ARHGEF3: variants seen among roughly 807,000 people sequenced by gnomAD.
The protein encoded by ARHGEF3 is 59.8 kDA protein.
A neutral mutation model predicts 63.2 loss-of-function variants in ARHGEF3; 28 were observed. That is an observed-to-expected ratio of 0.44 (90% CI 0.33 to 0.61). The LOEUF (loss-of-function observed/expected upper bound fraction) is 0.61. Among genes scored for constraint, ARHGEF3 ranks in the 20% least tolerant of loss-of-function variants. ARHGEF3 has a pLI of 0.03. For synonymous variants in ARHGEF3, 266 were observed against 254.2 expected (o/e 1.05, Z -0.44); for missense variants, 533 against 659.3 (o/e 0.81, Z 2.10).
chr3:57,041,866 A>G (rs11130569), intron 1 of ARHGEF3, among the ~76,000 whole-genome samples: 78,901 of 152,010 alleles, frequency 0.52, 20,801 homozygotes, highest in Middle Eastern at 0.61. Context: ...TGGGACCACA[A>G]GGTCCCAAGC....
intron 2 of ARHGEF3, among the ~76,000 whole-genome samples, chr3:56,983,002 A>T (rs1701385478): frequency 6.6e-6 from 1 of 152,198 alleles, no homozygotes. Context: ...TAAATATCAT[A>T]TGCTCATTAC....
At chr3:57,009,236 G>A (rs1702586026) in intron 2 of ARHGEF3, among the ~76,000 whole-genome samples, 1 of 152,126 alleles carries the variant, frequency 6.6e-6, no homozygotes, top group Non-Finnish European at 1.5e-5. Context: ...GCTCAAGAAT[G>A]AACTATGAAA....
intron 1 of ARHGEF3, chr3:57,074,291 G>C: frequency 1.9e-6 from 3 of 1,589,888 alleles, no homozygotes; most frequent in Non-Finnish European, 2.6e-6. Flanking sequence ...TGCAACATCT[G>C]AGAGTCTGGC....
intron 4 of ARHGEF3, among the ~76,000 whole-genome samples, chr3:56,873,961 T>C (rs1186014841): frequency 6.6e-6 from 1 of 152,222 alleles, no homozygotes; most frequent in Non-Finnish European, 1.5e-5. Flanking sequence ...TGTTATATCA[T>C]TCATATCCGA....
chr3:56,932,938 G>A (rs78135128), intron 3 of ARHGEF3, among the ~76,000 whole-genome samples: 18,220 of 152,100 alleles, frequency 0.12, 1,329 homozygotes, highest in East Asian at 0.25. Context: ...ATGTTAATTT[G>A]TACCACATCA....
chr3:56,930,867 G>A (rs2042393249), intron 3 of ARHGEF3, among the ~76,000 whole-genome samples: 1 of 152,118 alleles, frequency 6.6e-6, no homozygotes, highest in Non-Finnish European at 1.5e-5. Flanking sequence ...AAACCAGATG[G>A]GTAAGTCATT....
intron 2 of ARHGEF3, among the ~76,000 whole-genome samples, chr3:57,022,536 A>G (rs1703301896): frequency 6.6e-6 from 1 of 152,138 alleles, no homozygotes; most frequent in African/African-American, 2.4e-5. Flanking sequence ...TTCCAGAAAA[A>G]CATTCCTTCT....
rs553229676 is a variant in ARHGEF3, at chr3:56,945,332, G to A, written c.129+13491C>T. 9.7e-4 allele frequency among the ~76,000 whole-genome samples: 146 copies of A among 151,204 alleles called. 1 individual carries two copies. Among genetic ancestry groups the A allele is most frequent in the African/African-American group, 3.2e-3 (132 of 41,150 alleles). On this transcript the variant is annotated intron_variant, in intron 3 of 12. Transcript: ENST00000338458. Reference sequence around the variant, plus strand: ...AGCAGGGTGAGGCATTGCCTCACCCGGGAAGTGCAAGGGGTCAGGGAATTC... The same window carrying A: ...AGCAGGGTGAGGCATTGCCTCACCCAGGAAGTGCAAGGGGTCAGGGAATTC...
At chr3:56,958,954 T>C (rs942732056) in intron 2 of ARHGEF3, 11 of 1,462,132 alleles carry the variant, frequency 7.5e-6, no homozygotes, top group Non-Finnish European at 9.4e-6. Context: ...GTCACTGCTT[T>C]CAAATGCAGG....
chr3:57,042,700 ATTT>A (rs869145503), intron 1 of ARHGEF3, among the ~76,000 whole-genome samples: 6 of 66,138 alleles, frequency 9.1e-5, no homozygotes, highest in African/African-American at 3.0e-4. Flanking sequence ...ATATATATAT[ATTT>A]TTTTTTTTTT....
Position 56,751,087 on chromosome 3 carries a change from G to A in ARHGEF3, c.581C>T (p.Thr194Ile). ...LRDVRKPDGS[T>I]EHVGPILVGW... ...CACGAGGATGGGACCAACATGTTCAGTCGAGCCATCAGGCTTCCTAACATC... is the reference window on the plus strand; with the variant it reads ...CACGAGGATGGGACCAACATGTTCAATCGAGCCATCAGGCTTCCTAACATC... Residue 194 changes from threonine (T) to isoleucine (I), a missense_variant, in exon 6 of 10, where the codon ACT (threonine) becomes ATT (isoleucine). By Grantham distance (89) the Thr-to-Ile change is moderately conservative (BLOSUM62 -1). Around this residue, in one of 4 missense-constraint regions of ARHGEF3, gnomAD observed 107 missense variants for 207.9 expected, o/e 0.51. Coordinates refer to ENST00000296315, the MANE Select transcript of ARHGEF3 (RefSeq NM_019555.3). The A allele has an allele frequency of 6.2e-7, 1 of 1,614,154 alleles. No homozygotes were observed. The highest frequency in any genetic ancestry group is 1.1e-5 in the South Asian group (1 of 91,078).
intron 2 of ARHGEF3, among the ~76,000 whole-genome samples, chr3:56,766,348 T>C (rs1229087913): frequency 6.6e-6 from 1 of 152,184 alleles, no homozygotes; most frequent in Admixed American, 6.5e-5. Flanking sequence ...TGAGAGGCAG[T>C]GGTTGCTAGA....
At chr3:56,905,148 T>C (rs537280281) in intron 3 of ARHGEF3, among the ~76,000 whole-genome samples, 1 of 152,342 alleles carries the variant, frequency 6.6e-6, no homozygotes, top group East Asian at 1.9e-4. Context: ...ACCTTTCCCT[T>C]AGAGTTTTCT....
chr3:56,848,877 C>T (rs1412186663), intron 4 of ARHGEF3, among the ~76,000 whole-genome samples: 1 of 152,168 alleles, frequency 6.6e-6, no homozygotes, highest in Non-Finnish European at 1.5e-5. Context: ...CCATGTTGGC[C>T]AGGCTCGTCT....
chr3:56,952,276 C>A (rs1213868933), intron 3 of ARHGEF3, among the ~76,000 whole-genome samples: 1 of 152,184 alleles, frequency 6.6e-6, no homozygotes, highest in East Asian at 1.9e-4. Flanking sequence ...AGCTCTCTGA[C>A]AGCGACCCCA....
intron 1 of ARHGEF3, among the ~76,000 whole-genome samples, chr3:57,039,592 T>A (rs1370003072): frequency 6.6e-6 from 1 of 152,098 alleles, no homozygotes; most frequent in South Asian, 2.1e-4. Flanking sequence ...CAGAAATGGG[T>A]CTACATGGCC....
chr3:56,773,615 CT>C lies in ARHGEF3; in HGVS notation c.204+93del. 6 of 1,125,928 alleles carry C rather than the reference CT, an allele frequency of 5.3e-6. 1 individual carries two copies. In the South Asian group the frequency reaches 1.1e-4, roughly 20 times the overall value. 69.7% of individuals were successfully genotyped at this position (1,125,928 alleles called of 1,614,324 possible). ...TTGAAATAAGCATTGATTCAGGTCA[CT>C]TTGAAACCAGGGGAAATTCTAGGTA... On this transcript the variant is annotated intron_variant, in intron 2 of 9. Coordinates refer to ENST00000296315, the MANE Select transcript of ARHGEF3 (RefSeq NM_019555.3).
intron 1 of ARHGEF3, chr3:57,035,277 T>G (rs1703905081): frequency 3.6e-6 from 2 of 560,056 alleles, no homozygotes; most frequent in African/African-American, 3.9e-5. Flanking sequence ...ATATCAAGGG[T>G]TACCCAGTGT....
At chr3:56,812,122 G>A (rs1193538474) in intron 4 of ARHGEF3, among the ~76,000 whole-genome samples, 1 of 152,094 alleles carries the variant, frequency 6.6e-6, no homozygotes, top group Non-Finnish European at 1.5e-5. Flanking sequence ...ATTGAAATGG[G>A]GCTAATCAAA....
Sources: allele counts gnomAD v4.1 joint callset (sites outside exome capture counted in the v4.1 genomes callset), GRCh38; gene constraint gnomAD v4.1.1; regional missense constraint gnomAD v4.1.1; transcripts MANE v1.5; gene names NCBI Gene and HGNC (gene_info 2026-07-23, HGNC 2026-07-21).